WDTC1: variants seen among roughly 807,000 people sequenced by gnomAD.
WDTC1 encodes WD and tetratricopeptide repeats protein 1.
In WDTC1, 12 loss-of-function variants were observed where a neutral mutation model predicts 76.0. The ratio of observed to expected loss-of-function variants is 0.16; its 90% CI spans 0.10 to 0.26. The LOEUF (loss-of-function observed/expected upper bound fraction) is 0.26. Among genes scored for constraint, WDTC1 ranks in the 10% least tolerant of loss-of-function variants. The pLI, the probability that WDTC1 is intolerant of heterozygous loss-of-function variation, is 1.00. For missense variants in WDTC1, 511 were observed against 908.8 expected (o/e 0.56, Z 5.63); for synonymous variants, 326 against 350.8 (o/e 0.93, Z 0.79).
intron 3 of WDTC1, among the ~76,000 whole-genome samples, chr1:27,267,174 T>C (rs2012702335): frequency 6.6e-6 from 1 of 152,148 alleles, no homozygotes; most frequent in Non-Finnish European, 1.5e-5. Flanking sequence ...TTTGTTACCC[T>C]TCCTGTATGT....
chr1:27,306,108 CT>C lies in WDTC1; in HGVS notation c.1837-77del. 1 of 1,524,350 alleles carries C rather than the reference CT, an allele frequency of 6.6e-7. No individual in the cohort carries two copies. 94.4% of individuals were successfully genotyped at this position (1,524,350 alleles called of 1,614,324 possible). A position where few individuals can be genotyped will look rare whatever the true frequency, so the allele number is the denominator to read the frequency against. On this transcript the variant is annotated intron_variant, in intron 15 of 15. Transcript: ENST00000319394. This position sits in a 1 kb window ranked among gnomAD's most constrained non-coding sequence, Gnocchi z 5.0. ...TAGATAGTTTAGTCTGTGTATTTCCCTCCCCCTCCCCTATACGTGTACCCTG... is the reference window on the plus strand; with the variant it reads ...TAGATAGTTTAGTCTGTGTATTTCCCCCCCCTCCCCTATACGTGTACCCTG...
rs201584412 is a variant in WDTC1, at chr1:27,306,521, G to T, written c.*138G>T. 1 of 1,121,340 alleles carries T rather than the reference G, an allele frequency of 8.9e-7. No homozygotes were observed. Among genetic ancestry groups the T allele is most frequent in the East Asian group, 2.6e-5 (1 of 38,592 alleles). The allele number at this position is 1,121,340 out of a possible 1,614,324, so 69.5% of individuals were successfully genotyped here. A position where few individuals can be genotyped will look rare whatever the true frequency, so the allele number is the denominator to read the frequency against. ...CCCCTGTTTTGTTTGTTAGTTTGGC[G>T]TTAGGGGTGGAGGTTGCTACAACTT... On this transcript the variant is annotated 3_prime_UTR_variant, in exon 16 of 16. Transcript: ENST00000319394. The surrounding 1 kb of genome is among the most constrained non-coding windows in gnomAD (Gnocchi z 5.0).
intron 4 of WDTC1, among the ~76,000 whole-genome samples, chr1:27,283,070 G>A (rs1200609365): frequency 6.6e-6 from 1 of 151,442 alleles, no homozygotes; most frequent in East Asian, 2.0e-4. Flanking sequence ...CCTGGGAGGC[G>A]GAGCTTGCAG....
chr1:27,259,296 A>G (rs2012393425), intron 1 of WDTC1, among the ~76,000 whole-genome samples: 1 of 149,038 alleles, frequency 6.7e-6, no homozygotes, highest in Non-Finnish European at 1.5e-5. Flanking sequence ...AGTAGCTGGG[A>G]CTACAGGCGC....
rs775108929 is a variant in WDTC1 at position 27,297,969 on chromosome 1, C to T, written c.1090C>T (p.Arg364Cys). The change falls in exon 12 of 16, where the codon CGT (arginine) becomes TGT (cysteine). Residue 364 changes from arginine (R) to cysteine (C), a missense_variant. By Grantham distance (180) the Arg-to-Cys change is radical. Coordinates refer to ENST00000319394, the MANE Select transcript of WDTC1 (RefSeq NM_001276252.2). The stretch of plus-strand genomic sequence containing the variant: ...AGTAGAGCTACCACCATACCTGGAG[C>T]GTGTGAAACAGCAAGCCAATGAGGC... ...PQVELPPYLE[R>C]VKQQANEAFA... 6.2e-6 allele frequency: 10 copies of T among 1,613,562 alleles called. No individual in the cohort carries two copies. Among genetic ancestry groups the T allele is most frequent in the East Asian group, 2.2e-5 (1 of 44,848 alleles).
intron 5 of WDTC1, among the ~76,000 whole-genome samples, chr1:27,284,986 C>A (rs1467117223): frequency 6.6e-6 from 1 of 151,320 alleles, no homozygotes; most frequent in Admixed American, 6.6e-5. Flanking sequence ...ACTGGTTGTC[C>A]CTAAAATAAT....
At chr1:27,275,050 A>C (rs528639804) in intron 3 of WDTC1, among the ~76,000 whole-genome samples, 2 of 152,330 alleles carry the variant, frequency 1.3e-5, no homozygotes, top group East Asian at 3.9e-4. Context: ...TCTGTTTTAA[A>C]AATGGCTTAA....
chr1:27,296,286 T>G (rs1317359510), intron 9 of WDTC1, 40 bp from the exon 10 acceptor site: 1 of 1,613,166 alleles, frequency 6.2e-7, no homozygotes, highest in Non-Finnish European at 8.5e-7. Context: ...CATCCTTACC[T>G]CACAGCTTCC....
intron 3 of WDTC1, among the ~76,000 whole-genome samples, chr1:27,279,214 T>C (rs939507299): frequency 6.6e-6 from 1 of 152,108 alleles, no homozygotes; most frequent in Admixed American, 6.5e-5. Flanking sequence ...GCCTAGTATA[T>C]AATAGGTGCT....
chr1:27,268,593 A>G (rs1172202735), intron 3 of WDTC1, among the ~76,000 whole-genome samples: 2 of 151,030 alleles, frequency 1.3e-5, no homozygotes, highest in East Asian at 2.0e-4. Flanking sequence ...TAATTTCTGT[A>G]TTTTTAGTAG....
intron 1 of WDTC1, among the ~76,000 whole-genome samples, chr1:27,258,407 C>T (rs2012354859): frequency 6.6e-6 from 1 of 151,496 alleles, no homozygotes; most frequent in Non-Finnish European, 1.5e-5. Context: ...TGGCAGGTGC[C>T]TGTAGTCCCA....
chr1:27,240,177 C>T (rs2011587836), intron 1 of WDTC1, among the ~76,000 whole-genome samples: 1 of 152,148 alleles, frequency 6.6e-6, no homozygotes, highest in Admixed American at 6.5e-5. Flanking sequence ...AGGCATGAGC[C>T]ACCAGGCCCA....
At position 27,305,534 on chromosome 1, in the gene WDTC1, G is replaced by A. The variant is rs1033098298; in HGVS notation, c.1836+341G>A. Among the ~76,000 whole-genome samples the A allele has an allele frequency of 1.3e-5, 2 of 152,192 alleles. No homozygotes were observed. The highest frequency in any genetic ancestry group is 4.8e-5 in the African/African-American group (2 of 41,432). ...CTGTACATTGGGAATGGGAATGACA[G>A]CACCACCTTGAAAGGTTGTGGTGAG... is the stretch of plus-strand genomic sequence containing the variant. On this transcript the variant is annotated intron_variant, in intron 15 of 15. Transcript: ENST00000319394. The surrounding 1 kb of genome is among the most constrained non-coding windows in gnomAD (Gnocchi z 4.6).
intron 1 of WDTC1, among the ~76,000 whole-genome samples, chr1:27,258,249 ATGGC>A (rs1025812003): frequency 1.3e-5 from 2 of 151,324 alleles, no homozygotes; most frequent in African/African-American, 2.4e-5. Context: ...AAAAAAAAAA[ATGGC>A]TGGGCACTGT....
chr1:27,253,389 TCCCCTCCCCCTC>T (rs796239665), intron 1 of WDTC1, among the ~76,000 whole-genome samples: 1 of 67,814 alleles, frequency 1.5e-5, no homozygotes, highest in Admixed American at 1.6e-4. Context: ...TCTTTCTTCT[TCCCCTCCCCCTC>T]CCCCTCCCCT....
chr1:27,287,550 C>A (rs2013376000), intron 5 of WDTC1, 124 bp from the exon 6 acceptor site: 4 of 1,124,012 alleles, frequency 3.6e-6, no homozygotes, highest in East Asian at 2.6e-5. Flanking sequence ...CCGCGCCCAG[C>A]CTGCATGGGC....
At chr1:27,282,884 A>AAT (rs2147961635) in intron 4 of WDTC1, among the ~76,000 whole-genome samples, 1 of 151,950 alleles carries the variant, frequency 6.6e-6, no homozygotes, top group East Asian at 2.0e-4. Flanking sequence ...TCACGCCTGT[A>AAT]ATCCTAGCAC....
chr1:27,280,016 A>G lies in WDTC1; in HGVS notation c.133-2223A>G, dbSNP rs879541056. Among the ~76,000 whole-genome samples the G allele has an allele frequency of 1.1e-4, 17 of 152,338 alleles. 1 individual carries two copies. Among genetic ancestry groups the G allele is most frequent in the Middle Eastern group, 6.8e-3 (2 of 294 alleles). Reference sequence around the variant, plus strand: ...CAACAACCCTATGAGGCTATCTACAATTATTATCTTTTTTACTGATGTAGA... The same window carrying G: ...CAACAACCCTATGAGGCTATCTACAGTTATTATCTTTTTTACTGATGTAGA... On this transcript the variant is annotated intron_variant, in intron 3 of 15. Coordinates refer to ENST00000319394, the MANE Select transcript of WDTC1 (RefSeq NM_001276252.2).
At chr1:27,258,089 T>C (rs1307175993) in intron 1 of WDTC1, among the ~76,000 whole-genome samples, 1 of 149,092 alleles carries the variant, frequency 6.7e-6, no homozygotes, top group East Asian at 2.2e-4. Context: ...CGCCTGGCGG[T>C]TCTTGTCTTT....
Sources: allele counts gnomAD v4.1 joint callset (sites outside exome capture counted in the v4.1 genomes callset), GRCh38; gene constraint gnomAD v4.1.1; non-coding constraint Gnocchi (gnomAD v3.1); transcripts MANE v1.5; gene names NCBI Gene and HGNC (gene_info 2026-07-23, HGNC 2026-07-21).